Variants in RGL1 observed in about 807,000 individuals in gnomAD.
RGL1 encodes the protein ral guanine nucleotide dissociation stimulator like 1.
RGL1 carries 24 observed loss-of-function variants against 95.2 expected under a neutral mutation model. The observed-to-expected ratio is 0.25, with a 90% CI of 0.18 to 0.35. The LOEUF is 0.35. RGL1 is among the 10% of genes least tolerant of loss of function. The pLI, the probability that RGL1 is intolerant of heterozygous loss-of-function variation, is 1.00. For missense variants in RGL1, 715 were observed against 936.3 expected (o/e 0.76, Z 3.08); for synonymous variants, 329 against 344.9 (o/e 0.95, Z 0.51).
At chr1:183,881,199 G>C (rs1666805455) in intron 5 of RGL1, among the ~76,000 whole-genome samples, 1 of 152,076 alleles carries the variant, frequency 6.6e-6, no homozygotes, top group Non-Finnish European at 1.5e-5. Flanking sequence ...CTGTTTAATG[G>C]CTCCTTCTAG....
intron 11 of RGL1, among the ~76,000 whole-genome samples, chr1:183,901,655 G>GTC (rs999187584): frequency 5.3e-5 from 8 of 150,140 alleles, no homozygotes; most frequent in East Asian, 1.9e-4. Context: ...CTCTCTCTCT[G>GTC]TCTCTCTCTC....
At chr1:183,699,003 A>G (rs551268833) in intron 1 of RGL1, among the ~76,000 whole-genome samples, 1 of 152,372 alleles carries the variant, frequency 6.6e-6, no homozygotes, top group African/African-American at 2.4e-5. Context: ...AAGAACTATA[A>G]CATCCATACT....
intron 17 of RGL1, among the ~76,000 whole-genome samples, chr1:183,924,857 T>C (rs1249892492): frequency 1.3e-5 from 2 of 150,728 alleles, no homozygotes; most frequent in Non-Finnish European, 1.5e-5. Context: ...TCCCAGCTAC[T>C]TGGGGGGCTG....
chr1:183,674,686 G>A (rs1652700877), intron 1 of RGL1, among the ~76,000 whole-genome samples: 1 of 152,218 alleles, frequency 6.6e-6, no homozygotes, highest in African/African-American at 2.4e-5. Context: ...TTATGAAGAT[G>A]GCTTTGAGAA....
rs553339707 is a variant in RGL1 at position 183,734,254 on chromosome 1, A to G, written c.-32-7872A>G. ...CCTTTCGAGAGCTCAGATTCCTAGG[A>G]ACTCAGATTTTTGAACATCTACATG... is the stretch of plus-strand genomic sequence containing the variant. On this transcript the variant is annotated intron_variant, in intron 1 of 18. Transcript: ENST00000304685. Among the ~76,000 whole-genome samples the G allele has an allele frequency of 7.6e-4, 116 of 152,270 alleles. 2 individuals carry two copies. The South Asian group carries it at 0.023, about 30-fold the overall frequency.
chr1:183,756,355 AG>A (rs1355645393), intron 2 of RGL1, among the ~76,000 whole-genome samples: 2 of 152,264 alleles, frequency 1.3e-5, no homozygotes, highest in East Asian at 3.9e-4. Context: ...AAAACTGTAA[AG>A]GGGAGTGTTA....
chr1:183,710,881 T>C (rs553625344), intron 1 of RGL1, among the ~76,000 whole-genome samples: 1 of 152,286 alleles, frequency 6.6e-6, no homozygotes, highest in Non-Finnish European at 1.5e-5. Flanking sequence ...AGTGGATAAC[T>C]AGAAGGAAAA....
chr1:183,729,678 T>C (rs1424928832), intron 1 of RGL1, among the ~76,000 whole-genome samples: 1 of 152,212 alleles, frequency 6.6e-6, no homozygotes, highest in African/African-American at 2.4e-5. Flanking sequence ...TGTACACAAG[T>C]GTTCTTTCAC....
chr1:183,860,852 G>A (rs3010064), intron 3 of RGL1, among the ~76,000 whole-genome samples: 149,893 of 152,288 alleles, frequency 0.98, 73,810 homozygotes, highest in Middle Eastern at 1. Context: ...GTACCTGTAC[G>A]TAGTCCTTAG....
At chr1:183,852,686 G>T (rs10911450) in intron 3 of RGL1, among the ~76,000 whole-genome samples, 1 of 151,928 alleles carries the variant, frequency 6.6e-6, no homozygotes, top group African/African-American at 2.4e-5. Context: ...GGTGGCAGGC[G>T]TCTGTAGTCC....
intron 2 of RGL1, among the ~76,000 whole-genome samples, chr1:183,844,073 C>A (rs2998436): frequency 0.98 from 149,754 of 152,276 alleles, 73,682 homozygotes; most frequent in Middle Eastern, 1. Flanking sequence ...TGATCCACCC[C>A]CCTTGGCCTC....
chr1:183,851,143 A>G (rs1664802559), intron 3 of RGL1, among the ~76,000 whole-genome samples: 1 of 152,256 alleles, frequency 6.6e-6, no homozygotes. Context: ...CATTTAATTC[A>G]AGCTGTCATG....
intron 1 of RGL1, among the ~76,000 whole-genome samples, chr1:183,725,843 A>G (rs932285948): frequency 2.6e-5 from 4 of 152,218 alleles, no homozygotes; most frequent in Admixed American, 1.3e-4. Context: ...ATGTCACTTA[A>G]CAAATGCAAA....
At chr1:183,922,103 G>A (rs548665830) in intron 16 of RGL1, 119 bp from the exon 17 acceptor site, 12 of 777,314 alleles carry the variant, frequency 1.5e-5, no homozygotes, top group South Asian at 8.4e-5. Context: ...CCAATTCCAC[G>A]AGTCCGTTCT....
chr1:183,838,191 A>G (rs1663796884), intron 2 of RGL1, among the ~76,000 whole-genome samples: 1 of 152,254 alleles, frequency 6.6e-6, no homozygotes, highest in African/African-American at 2.4e-5. Flanking sequence ...GAAACTTTGG[A>G]ATCCTTAAAG....
chr1:183,874,570 T>C (rs2102619310), intron 4 of RGL1, among the ~76,000 whole-genome samples: 1 of 152,102 alleles, frequency 6.6e-6, no homozygotes. Flanking sequence ...GCCTTCTTAG[T>C]GCTTAAATCT....
chr1:183,850,740 T>C (rs1168783671), intron 3 of RGL1, among the ~76,000 whole-genome samples: 1 of 152,198 alleles, frequency 6.6e-6, no homozygotes, highest in African/African-American at 2.4e-5. Flanking sequence ...AAGTAGAAAT[T>C]GAAAAATTAT....
At chr1:183,664,573 CTT>C (rs5779182) in intron 1 of RGL1, among the ~76,000 whole-genome samples, 198 of 146,528 alleles carry the variant, frequency 1.4e-3, no homozygotes, top group Admixed American at 1.8e-3. Context: ...AGAGGGCATA[CTT>C]TTTTTTTTTT....
At chr1:183,650,254 T>A (rs188724898) in intron 1 of RGL1, among the ~76,000 whole-genome samples, 1 of 152,218 alleles carries the variant, frequency 6.6e-6, no homozygotes, top group Middle Eastern at 3.4e-3. Context: ...TTATTAAAAA[T>A]AATATTCGGC....
Sources: gnomAD v4.1 joint callset for allele counts (sites outside exome capture counted in the v4.1 genomes callset) on GRCh38, gnomAD v4.1.1 for gene constraint, MANE v1.5 for transcripts, NCBI Gene and HGNC (gene_info 2026-07-23, HGNC 2026-07-21) for gene names.